Variants in TMEM178B observed in about 807,000 individuals in gnomAD.
TMEM178B encodes the protein transmembrane protein 178B.
Under a neutral mutation model 31.0 loss-of-function variants are expected in TMEM178B, and 5 were observed. The observed-to-expected ratio is 0.16, with a 90% CI of 0.08 to 0.34. The LOEUF is 0.34. Ranked by LOEUF, TMEM178B falls within the 10% of genes least tolerant of loss-of-function variation. The pLI is 1.00. For missense variants in TMEM178B, 275 were observed against 400.3 expected, an observed-to-expected ratio of 0.69 and a Z score of 2.67; for synonymous variants, 164 against 164.0, an observed-to-expected ratio of 1.00 and a Z score of 0.00.
At chr7:141,183,055 CT>C (rs1796555931) in intron 1 of TMEM178B, among the ~76,000 whole-genome samples, 1 of 152,190 alleles carries the variant, frequency 6.6e-6, no homozygotes, top group African/African-American at 2.4e-5. Context: ...GACCTTTTTA[CT>C]GGAGAATCAT....
At position 141,452,299 on chromosome 7, in the gene TMEM178B, C is replaced by T. The variant is rs147572623; in HGVS notation, c.634+14554C>T. The stretch of plus-strand genomic sequence containing the variant: ...CCCGGATTTGTCCTTTCTCTATATA[C>T]GTTATGCATGTGCTTTATGTTTATT... On this transcript the variant is annotated intron_variant, in intron 3 of 3. Transcript: ENST00000565468. Among the ~76,000 whole-genome samples the T allele has an allele frequency of 4.7e-3, 710 of 152,276 alleles. 10 individuals are homozygous for T. Among genetic ancestry groups the T allele is most frequent in the African/African-American group, 0.016 (681 of 41,546 alleles).
chr7:141,470,800 AC>A lies in TMEM178B; in HGVS notation c.*15del, dbSNP rs1802225812. On this transcript the variant is annotated 3_prime_UTR_variant, in exon 4 of 4. Coordinates refer to ENST00000565468, the MANE Select transcript of TMEM178B (RefSeq NM_001195278.2). The stretch of plus-strand genomic sequence containing the variant: ...ACAGTGTGCTAAAAAACAAACCCAT[AC>A]ATACATATATATATATAAATATATA... 2 of 1,306,548 alleles carry A rather than the reference AC, an allele frequency of 1.5e-6. No individual in the cohort carries two copies. The highest frequency in any genetic ancestry group is 3.0e-5 in the East Asian group (1 of 33,530). 80.9% of individuals were successfully genotyped at this position (1,306,548 alleles called of 1,614,324 possible).
At chr7:141,499,722 T>C in the TMEM178B span, among the ~76,000 whole-genome samples, 1 of 152,144 alleles carries the variant, frequency 6.6e-6, no homozygotes, top group Non-Finnish European at 1.5e-5. Flanking sequence ...TGCTAATGTC[T>C]TCACTGACAG....
At position 141,386,673 on chromosome 7, in the gene TMEM178B, CA is replaced by C. The variant is rs149370205; in HGVS notation, c.497-50931del. Among the ~76,000 whole-genome samples the C allele has an allele frequency of 9.7e-3, 1,478 of 152,268 alleles. 30 individuals are homozygous for C. Among genetic ancestry groups the C allele is most frequent in the African/African-American group, 0.034 (1,416 of 41,550 alleles). ...TGTCATGAGTACTTTGAAACTATTA[CA>C]AAAGCTGTGGATCTTCTTCCAAACA... On this transcript the variant is annotated intron_variant, in intron 2 of 3. Coordinates refer to ENST00000565468, the MANE Select transcript of TMEM178B (RefSeq NM_001195278.2).
Position 141,074,140 on chromosome 7 carries a change from C to G in TMEM178B, c.-171C>G. The G allele has an allele frequency of 2.0e-6, 2 of 989,174 alleles. No individual in the cohort carries two copies. Among genetic ancestry groups the G allele is most frequent in the Non-Finnish European group, 2.7e-6 (2 of 727,944 alleles). The allele number at this position is 989,174 out of a possible 1,614,324, so 61.3% of individuals were successfully genotyped here. On this transcript the variant is annotated 5_prime_UTR_variant, in exon 1 of 4. Coordinates refer to ENST00000565468, the MANE Select transcript of TMEM178B (RefSeq NM_001195278.2). The surrounding 1 kb of genome is among the most constrained non-coding windows in gnomAD (Gnocchi z 5.1). The stretch of plus-strand genomic sequence containing the variant: ...CTTTTTAGGCCGCCCGCCCCCATCC[C>G]CGCAGTCCCCGGGCCGTGCTCCGGT...
intron 3 of TMEM178B, among the ~76,000 whole-genome samples, chr7:141,467,191 G>A (rs993227107): frequency 1.3e-5 from 2 of 152,082 alleles, no homozygotes; most frequent in South Asian, 4.2e-4. Flanking sequence ...CTGATTCAGG[G>A]AGTCTAGGTT....
intron 1 of TMEM178B, among the ~76,000 whole-genome samples, chr7:141,151,270 C>T (rs1032591828): frequency 2.0e-5 from 3 of 152,222 alleles, no homozygotes; most frequent in African/African-American, 7.2e-5. Flanking sequence ...ATTGACCTCT[C>T]ACCAGGTCTC....
At chr7:141,134,616 C>A (rs1795645707) in intron 1 of TMEM178B, among the ~76,000 whole-genome samples, 2 of 152,170 alleles carry the variant, frequency 1.3e-5, no homozygotes, top group South Asian at 4.1e-4. Context: ...AAGAAAGGAA[C>A]AAAGAATATA....
intron 2 of TMEM178B, among the ~76,000 whole-genome samples, chr7:141,275,612 G>T (rs1240909901): frequency 1.3e-5 from 2 of 152,198 alleles, no homozygotes; most frequent in African/African-American, 4.8e-5. Context: ...GTATCTGAAA[G>T]CAGGATAAAG....
In TMEM178B at chr7:141,223,479, CTTT is replaced by C. The variant is rs10680431; in HGVS notation, c.496+10790_496+10792del. On this transcript the variant is annotated intron_variant, in intron 2 of 3. Transcript: ENST00000565468. ...GCTGATGTTCTCTGCTGTTTTCACTCTTTTTTTTTTTTTTTTTGTATTTCCCTG... is the reference window on the plus strand; with the variant it reads ...GCTGATGTTCTCTGCTGTTTTCACTCTTTTTTTTTTTTTTGTATTTCCCTG... 1.9e-3 allele frequency among the ~76,000 whole-genome samples: 254 copies of C among 131,114 alleles called. 1 individual carries two copies. Among genetic ancestry groups the C allele is most frequent in the African/African-American group, 4.9e-3 (161 of 33,082 alleles). The allele number at this position is 131,114 out of a possible 152,430, so 86.0% of individuals were successfully genotyped here. A position where few individuals can be genotyped will look rare whatever the true frequency, so the allele number is the denominator to read the frequency against.
chr7:141,506,571 C>G, the TMEM178B span, among the ~76,000 whole-genome samples: 1 of 152,186 alleles, frequency 6.6e-6, no homozygotes, highest in Non-Finnish European at 1.5e-5. Context: ...ACCTCCCTCT[C>G]GATCCCTCCT....
chr7:141,295,013 GA>G (rs1563143734), intron 2 of TMEM178B, among the ~76,000 whole-genome samples: 1 of 152,190 alleles, frequency 6.6e-6, no homozygotes. Context: ...ACTAGATAGA[GA>G]AGCTGCTTGG....
At chr7:141,224,806 G>C (rs2129190296) in intron 2 of TMEM178B, among the ~76,000 whole-genome samples, 1 of 152,300 alleles carries the variant, frequency 6.6e-6, no homozygotes, top group East Asian at 1.9e-4. Flanking sequence ...GACACCCCTT[G>C]GAGAGCTCTC....
chr7:141,332,330 G>A (rs373065288), intron 2 of TMEM178B, among the ~76,000 whole-genome samples: 18 of 152,230 alleles, frequency 1.2e-4, no homozygotes, highest in African/African-American at 3.9e-4. Flanking sequence ...ATAAGCCTCC[G>A]TCGGCTCACT....
At chr7:141,087,485 A>T (rs1427661172) in intron 1 of TMEM178B, among the ~76,000 whole-genome samples, 2 of 152,164 alleles carry the variant, frequency 1.3e-5, no homozygotes, top group African/African-American at 4.8e-5. Context: ...TAACTTGATC[A>T]TAGATTGAAC....
Position 141,179,055 on chromosome 7 carries a change from G to A in TMEM178B, c.383-33536G>A, listed in dbSNP as rs533338234. 2.6e-5 allele frequency among the ~76,000 whole-genome samples: 4 copies of A among 152,264 alleles called. No homozygotes were observed. The East Asian group carries it at 5.8e-4, about 22-fold the overall frequency. On this transcript the variant is annotated intron_variant, in intron 1 of 3. Transcript: ENST00000565468. The stretch of plus-strand genomic sequence containing the variant: ...CTGTAAGTGCCCTTCAGATAATTCA[G>A]GTGGAACTGTGCTGCTAGAGAGCTA...
At chr7:141,287,451 G>T (rs217012) in intron 2 of TMEM178B, among the ~76,000 whole-genome samples, 14,851 of 152,144 alleles carry the variant, frequency 0.098, 1,071 homozygotes, top group African/African-American at 0.19. Context: ...GAATGATATA[G>T]GTCATAAAAA....
At chr7:141,203,693 C>A (rs1271175420) in intron 1 of TMEM178B, among the ~76,000 whole-genome samples, 1 of 152,196 alleles carries the variant, frequency 6.6e-6, no homozygotes, top group Non-Finnish European at 1.5e-5. Flanking sequence ...CCAGCTTTTC[C>A]CCTGGCTGGC....
chr7:141,483,409 G>A (rs1183088894), downstream of TMEM178B, among the ~76,000 whole-genome samples: 1 of 152,106 alleles, frequency 6.6e-6, no homozygotes, highest in East Asian at 1.9e-4. Context: ...CTTTCTCTCT[G>A]CTTCTTCTCA....
Sources: gnomAD v4.1 joint callset for allele counts (sites outside exome capture counted in the v4.1 genomes callset) on GRCh38, gnomAD v4.1.1 for gene constraint, Gnocchi (gnomAD v3.1) non-coding constraint, MANE v1.5 for transcripts, NCBI Gene and HGNC (gene_info 2026-07-23, HGNC 2026-07-21) for gene names.